ZFAND4: variants seen among roughly 807,000 people sequenced by gnomAD.
The protein encoded by ZFAND4 is zinc finger AN1-type containing 4.
ZFAND4 carries 43 observed loss-of-function variants against 64.4 expected under a neutral mutation model. The observed-to-expected ratio is 0.67, with a 90% CI of 0.52 to 0.86. ZFAND4 has a LOEUF of 0.86. Among genes scored for constraint, ZFAND4 ranks in the 40% least tolerant of loss-of-function variants. The pLI is 0.00. For missense variants in ZFAND4, 929 were observed against 859.8 expected (o/e 1.08, Z -1.01); for synonymous variants, 296 against 305.7 (o/e 0.97, Z 0.33).
chr10:45,650,370 G>C (rs2047680285), intron 4 of ZFAND4: 1 of 152,234 alleles, frequency 6.6e-6, no homozygotes, highest in South Asian at 2.1e-4. Context: ...TCAAACTCCT[G>C]ACCTCAATAC....
chr10:45,664,871 C>T (rs1275250703), intron 1 of ZFAND4, among the ~76,000 whole-genome samples: 6 of 151,942 alleles, frequency 3.9e-5, no homozygotes, highest in Admixed American at 2.0e-4. Context: ...GCAGAGCTTG[C>T]GGTGAGCCGA....
rs374774333 is a variant in ZFAND4 at position 45,616,400 on chromosome 10, G to A, written c.*36C>T. The stretch of plus-strand genomic sequence containing the variant: ...AACATTTCTTCTGTCATTATAATAC[G>A]AATCCCGGGCAGAACAGTAAGATGT... On this transcript the variant is annotated 3_prime_UTR_variant, in exon 10 of 10. Transcript: ENST00000344646. The A allele has an allele frequency of 3.7e-6, 6 of 1,603,932 alleles. No homozygotes were observed. The highest frequency in any genetic ancestry group is 1.7e-4 in the Middle Eastern group (1 of 6,004).
chr10:45,661,190 G>C (rs1485157091), intron 2 of ZFAND4, among the ~76,000 whole-genome samples: 1 of 152,096 alleles, frequency 6.6e-6, no homozygotes, highest in African/African-American at 2.4e-5. Context: ...ACAACCCTTT[G>C]AGATAAATAC....
chr10:45,621,193 T>C (rs1056632282), intron 8 of ZFAND4, among the ~76,000 whole-genome samples: 1 of 152,028 alleles, frequency 6.6e-6, no homozygotes, highest in Non-Finnish European at 1.5e-5. Flanking sequence ...AAGGGAAACC[T>C]TATAGTGAAA....
intron 2 of ZFAND4, chr10:45,662,640 C>T (rs1393601059): frequency 1.0e-6 from 1 of 985,294 alleles, no homozygotes; most frequent in African/African-American, 1.7e-5. Flanking sequence ...GATGTGGTCA[C>T]TGGACTCGGC....
At chr10:45,617,207 T>G (rs531385346) in intron 9 of ZFAND4, among the ~76,000 whole-genome samples, 9 of 152,306 alleles carry the variant, frequency 5.9e-5, no homozygotes, top group African/African-American at 1.9e-4. Flanking sequence ...ATTCTGAATT[T>G]CTGAGGAATT....
At chr10:45,663,483 A>T in intron 2 of ZFAND4, 59 bp downstream of exon 2, 20 of 1,328,162 alleles carry the variant, frequency 1.5e-5, no homozygotes, top group Non-Finnish European at 1.8e-5. Flanking sequence ...AAAAACTACT[A>T]GACATTATTG....
Position 45,663,783 on chromosome 10 carries a change from A to G in ZFAND4, c.-58T>C. 5.6e-6 allele frequency: 8 copies of G among 1,429,580 alleles called. No homozygotes were observed. The highest frequency in any genetic ancestry group is 7.5e-6 in the Non-Finnish European group (8 of 1,061,912). 88.6% of individuals were successfully genotyped at this position (1,429,580 alleles called of 1,614,324 possible). A position where few individuals can be genotyped will look rare whatever the true frequency, so the allele number is the denominator to read the frequency against. On this transcript the variant is annotated 5_prime_UTR_variant, in exon 2 of 10. Transcript: ENST00000344646. ...TCGCAGGCAACTGTATTCCAGTTCT[A>G]GGCAAACCAGGTTTGAAGATTGGTA...
At chr10:45,671,648 C>A (rs2049199023) in intron 1 of ZFAND4, among the ~76,000 whole-genome samples, 2 of 151,960 alleles carry the variant, frequency 1.3e-5, no homozygotes. Context: ...CACTTGGACA[C>A]AGGGAGGGGA....
At chr10:45,651,370 A>T (rs1436797205) in intron 4 of ZFAND4, 1 of 323,940 alleles carries the variant, frequency 3.1e-6, no homozygotes, top group Admixed American at 3.9e-5. Context: ...CTCTTTACAC[A>T]TTTATTGTAG....
chr10:45,641,651 CCTA>C (rs1027651312), intron 5 of ZFAND4, among the ~76,000 whole-genome samples: 2 of 152,206 alleles, frequency 1.3e-5, no homozygotes, highest in African/African-American at 4.8e-5. Context: ...GCCACAGTTA[CCTA>C]CTACAGCATG....
chr10:45,649,518 T>C (rs1450328726), intron 4 of ZFAND4, among the ~76,000 whole-genome samples: 1 of 152,186 alleles, frequency 6.6e-6, no homozygotes, highest in Non-Finnish European at 1.5e-5. Flanking sequence ...AAAAAGAAGT[T>C]GCAGCAATAG....
intron 1 of ZFAND4, among the ~76,000 whole-genome samples, chr10:45,667,990 G>A (rs2048942567): frequency 6.6e-6 from 1 of 152,172 alleles, no homozygotes; most frequent in Non-Finnish European, 1.5e-5. Context: ...TAATCATGAA[G>A]GGGTGCCAAT....
At chr10:45,651,423 A>G in intron 4 of ZFAND4, 1 of 367,474 alleles carries the variant, frequency 2.7e-6, no homozygotes, top group Non-Finnish European at 5.6e-6. Flanking sequence ...TGTCTACCAT[A>G]CTTGGAACAT....
At chr10:45,625,571 A>G (rs929873655) in intron 7 of ZFAND4, among the ~76,000 whole-genome samples, 1 of 151,120 alleles carries the variant, frequency 6.6e-6, no homozygotes, top group African/African-American at 2.4e-5. Context: ...AAAAACATTT[A>G]GCATTTAAAA....
chr10:45,619,034 GAATT>G (rs911336094), intron 8 of ZFAND4, among the ~76,000 whole-genome samples: 1 of 151,452 alleles, frequency 6.6e-6, no homozygotes, highest in African/African-American at 2.4e-5. Flanking sequence ...ATATAAGAAA[GAATT>G]AAATCAATTT....
chr10:45,648,354 G>A lies in ZFAND4; in HGVS notation c.509C>T (p.Ser170Phe). ...GDGTLTPLSDSSKKIDFHLHV... is the reference protein window; with the variant it reads ...GDGTLTPLSDFSKKIDFHLHV... ...CAAATGAAAATCTATTTTCTTTGAA[G>A]AGTCAGATAACGGTGTTAAAGTGCC... Residue 170 changes from serine (S) to phenylalanine (F), a missense_variant, in exon 5 of 10, where the codon TCT becomes TTT. Physicochemically the swap from Ser to Phe is radical, Grantham distance 155 (BLOSUM62 -2). Coordinates refer to ENST00000344646, the MANE Select transcript of ZFAND4 (RefSeq NM_174890.4). The A allele has an allele frequency of 6.2e-7, 1 of 1,613,446 alleles. No homozygotes were observed. The highest frequency in any genetic ancestry group is 8.5e-7 in the Non-Finnish European group (1 of 1,179,750).
rs1221850432 is a variant in ZFAND4 at position 45,672,735 on chromosome 10, C to T, written c.-603G>A. 7.2e-5 allele frequency: 11 copies of T among 152,394 alleles called. No homozygotes were observed. Among genetic ancestry groups the T allele is most frequent in the African/African-American group, 2.4e-4 (10 of 41,590 alleles). The allele number at this position is 152,394 out of a possible 1,614,324, so 9.4% of individuals were successfully genotyped here. On this transcript the variant is annotated 5_prime_UTR_variant, in exon 1 of 10. Transcript: ENST00000344646. ...CCTACAGGTCGACAGGGCCCAACGA[C>T]CCGGCGAGCAACTTCACGGAAGGCA...
chr10:45,626,402 G>A lies in ZFAND4; in HGVS notation c.1421C>T (p.Pro474Leu). 6.2e-7 allele frequency: 1 copy of A among 1,614,064 alleles called. No homozygotes were observed. Among genetic ancestry groups the A allele is most frequent in the Non-Finnish European group, 8.5e-7 (1 of 1,180,028 alleles). ...LSPHKNRLLS[P>L]LRCSAPMSLH... ...CGACATTGGTGCAGAACAGCGAAGAGGTGACAAGAGTCTATTCTTGTGAGG... is the reference window on the plus strand; with the variant it reads ...CGACATTGGTGCAGAACAGCGAAGAAGTGACAAGAGTCTATTCTTGTGAGG... Residue 474 changes from proline to leucine, a missense_variant, in exon 7 of 10, where the codon CCT becomes CTT. Transcript: ENST00000344646.
Sources: gnomAD v4.1 joint callset for allele counts (sites outside exome capture counted in the v4.1 genomes callset) on GRCh38, gnomAD v4.1.1 for gene constraint, MANE v1.5 for transcripts, NCBI Gene and HGNC (gene_info 2026-07-23, HGNC 2026-07-21) for gene names.